Variants in ST18 observed in about 807,000 individuals in gnomAD.
ST18 encodes ST18 C2H2C-type zinc finger transcription factor, also known as suppression of tumorigenicity 18 protein.
In ST18, 50 loss-of-function variants were observed where a neutral mutation model predicts 110.0. The observed-to-expected ratio is 0.45, with a 90% CI of 0.36 to 0.58. The LOEUF (loss-of-function observed/expected upper bound fraction) is 0.58, where lower values mean the gene tolerates loss of function less well. Among genes scored for constraint, ST18 ranks in the 20% least tolerant of loss-of-function variants. The pLI, the probability that ST18 is intolerant of heterozygous loss-of-function variation, is 0.00. For synonymous variants in ST18, 461 were observed against 452.4 expected (o/e 1.02, Z -0.24); for missense variants, 1,306 against 1,280.1 (o/e 1.02, Z -0.31).
intron 2 of ST18, among the ~76,000 whole-genome samples, chr8:52,336,844 G>A (rs537226675): frequency 9.1e-4 from 138 of 152,332 alleles, no homozygotes; most frequent in African/African-American, 2.6e-3. Flanking sequence ...ACACTCCAGC[G>A]TGGTGTACGC....
chr8:52,406,539 T>G (rs534599995), intron 2 of ST18: 1 of 152,014 alleles, frequency 6.6e-6, no homozygotes, highest in East Asian at 1.9e-4. Context: ...TGAGGAAGAG[T>G]TAAACAGAAC....
intron 7 of ST18, 69 bp from the exon 8 acceptor site, chr8:52,212,178 C>CT: frequency 6.8e-7 from 1 of 1,481,318 alleles, no homozygotes; most frequent in Non-Finnish European, 9.1e-7. Context: ...ATAATGGAAA[C>CT]TTTTCCCCCA....
At chr8:52,272,195 A>T (rs9643799) in intron 2 of ST18, among the ~76,000 whole-genome samples, 1 of 152,336 alleles carries the variant, frequency 6.6e-6, no homozygotes, top group East Asian at 1.9e-4. Context: ...AAAAAACAAA[A>T]ATAAACAAAT....
At chr8:52,146,147 A>T (rs566937376) in intron 16 of ST18, among the ~76,000 whole-genome samples, 17 of 152,308 alleles carry the variant, frequency 1.1e-4, no homozygotes, top group African/African-American at 4.1e-4. Flanking sequence ...GGACATAACC[A>T]TATTCCAGTC....
intron 2 of ST18, among the ~76,000 whole-genome samples, chr8:52,238,268 C>A (rs1199874680): frequency 6.6e-6 from 1 of 152,048 alleles, no homozygotes; most frequent in Non-Finnish European, 1.5e-5. Context: ...CACAAATATT[C>A]GTAACAGCAT....
At chr8:52,162,900 A>C (rs1440130672) in intron 13 of ST18, among the ~76,000 whole-genome samples, 1 of 152,222 alleles carries the variant, frequency 6.6e-6, no homozygotes, top group Admixed American at 6.5e-5. Flanking sequence ...ATTAGATTTT[A>C]CAAAAACTTT....
At chr8:52,341,537 T>G (rs1173348828) in intron 2 of ST18, among the ~76,000 whole-genome samples, 1 of 152,230 alleles carries the variant, frequency 6.6e-6, no homozygotes, top group East Asian at 1.9e-4. Flanking sequence ...GACCTTCAGA[T>G]GAAGGGATTA....
intron 2 of ST18, among the ~76,000 whole-genome samples, chr8:52,273,821 CAT>C (rs1179490719): frequency 1.3e-5 from 2 of 152,164 alleles, no homozygotes; most frequent in African/African-American, 4.8e-5. Context: ...AGAAAATAAA[CAT>C]AATCATCAAG....
At chr8:52,156,146 C>G (rs922465951) in intron 15 of ST18, among the ~76,000 whole-genome samples, 3 of 152,192 alleles carry the variant, frequency 2.0e-5, no homozygotes, top group African/African-American at 7.2e-5. Flanking sequence ...AAGGCAGGGA[C>G]AGCTCCCAGA....
intron 2 of ST18, among the ~76,000 whole-genome samples, chr8:52,360,913 G>A (rs1825436625): frequency 1.3e-5 from 2 of 152,130 alleles, no homozygotes; most frequent in Admixed American, 6.5e-5. Context: ...TCTAAACTTA[G>A]AGCACACAAA....
At chr8:52,249,985 C>A (rs994588552) in intron 2 of ST18, among the ~76,000 whole-genome samples, 2 of 152,000 alleles carry the variant, frequency 1.3e-5, no homozygotes, top group Non-Finnish European at 2.9e-5. Context: ...AGCCCTACCC[C>A]CTACCCAAGC....
intron 2 of ST18, among the ~76,000 whole-genome samples, chr8:52,359,729 C>G (rs774709595): frequency 6.6e-6 from 1 of 152,118 alleles, no homozygotes; most frequent in Non-Finnish European, 1.5e-5. Flanking sequence ...AACTATTATA[C>G]TATATAATGT....
At chr8:52,164,416 G>A (rs9792154) in intron 12 of ST18, among the ~76,000 whole-genome samples, 1 of 152,062 alleles carries the variant, frequency 6.6e-6, no homozygotes, top group East Asian at 1.9e-4. Context: ...TATCCAACTC[G>A]AGAAGTTAGC....
rs768140307 is a variant in ST18 at position 52,172,174 on chromosome 8, G to C, written c.687C>G (p.Asp229Glu). The C allele has an allele frequency of 1.2e-6, 2 of 1,614,064 alleles. No homozygotes were observed. Among genetic ancestry groups the C allele is most frequent in the Admixed American group, 3.3e-5 (2 of 59,996 alleles). The change falls in exon 10 of 26, where the codon GAC becomes GAG. Residue 229 changes from aspartate to glutamate, a missense_variant. Transcript: ENST00000689386. ...TTTTTATTTCAGGAACTTCCAATAGGTCTTTTTTATGATCTGTTAAAACAT... is the reference window on the plus strand; with the variant it reads ...TTTTTATTTCAGGAACTTCCAATAGCTCTTTTTTATGATCTGTTAAAACAT... ...PKYVLTDHKK[D>E]LLEVPEIKTE... is the part of the protein sequence containing the mutation.
intron 15 of ST18, among the ~76,000 whole-genome samples, chr8:52,157,737 T>G (rs1378656759): frequency 6.6e-6 from 1 of 152,258 alleles, no homozygotes; most frequent in Non-Finnish European, 1.5e-5. Flanking sequence ...GGGGTTTACT[T>G]GGCTCAGCTT....
At chr8:52,400,507 C>T (rs2141086067) in intron 2 of ST18, among the ~76,000 whole-genome samples, 1 of 152,138 alleles carries the variant, frequency 6.6e-6, no homozygotes, top group South Asian at 2.1e-4. Flanking sequence ...CTTTCTTCCT[C>T]TTTTGTTGTC....
intron 3 of ST18, among the ~76,000 whole-genome samples, chr8:52,222,291 T>C (rs1000094096): frequency 1.6e-4 from 25 of 152,332 alleles, no homozygotes; most frequent in Admixed American, 7.8e-4. Flanking sequence ...TGCAATTTTT[T>C]ACTACTTTTA....
intron 2 of ST18, among the ~76,000 whole-genome samples, chr8:52,363,888 C>A (rs1209027989): frequency 6.6e-6 from 1 of 152,086 alleles, no homozygotes; most frequent in Non-Finnish European, 1.5e-5. Flanking sequence ...ATTCTAGGTG[C>A]TTTAGGCATG....
chr8:52,339,885 T>C (rs979501048), intron 2 of ST18, among the ~76,000 whole-genome samples: 1 of 152,266 alleles, frequency 6.6e-6, no homozygotes, highest in African/African-American at 2.4e-5. Flanking sequence ...TATTAAGTTT[T>C]CTCACCCTTT....
Sources: gnomAD v4.1 joint callset for allele counts (sites outside exome capture counted in the v4.1 genomes callset) on GRCh38, gnomAD v4.1.1 for gene constraint, MANE v1.5 for transcripts, NCBI Gene and HGNC (gene_info 2026-07-23, HGNC 2026-07-21) for gene names.